NPAS3: variants seen among roughly 807,000 people sequenced by gnomAD.
The protein encoded by NPAS3 is neuronal PAS domain protein 3.
Under a neutral mutation model 73.1 loss-of-function variants are expected in NPAS3, and 14 were observed. The observed-to-expected ratio is 0.19, with a 90% CI of 0.13 to 0.30. NPAS3 has a LOEUF of 0.30. Among genes scored for constraint, NPAS3 ranks in the 10% least tolerant of loss-of-function variants. The pLI is 1.00. For missense variants in NPAS3, 1,096 were observed against 1,250.0 expected (o/e 0.88, Z 1.86); for synonymous variants, 620 against 541.5 (o/e 1.14, Z -2.01).
intron 5 of NPAS3, among the ~76,000 whole-genome samples, chr14:33,602,715 G>A (rs760163434): frequency 6.6e-6 from 1 of 152,266 alleles, no homozygotes; most frequent in East Asian, 1.9e-4. Flanking sequence ...TGGTGACTCA[G>A]ATAAATACTA....
intron 2 of NPAS3, among the ~76,000 whole-genome samples, chr14:33,212,168 G>A (rs2047064739): frequency 6.6e-6 from 1 of 152,192 alleles, no homozygotes; most frequent in Non-Finnish European, 1.5e-5. Context: ...GAGTGTCATT[G>A]TCTTAAGGTC....
intron 9 of NPAS3, 82 bp from the exon 10 acceptor site, chr14:33,793,815 G>A (rs531835500): frequency 6.3e-5 from 87 of 1,376,454 alleles, no homozygotes; most frequent in Admixed American, 3.5e-4. Flanking sequence ...TTAGGCTTAA[G>A]GTTTTGCAGA....
At chr14:33,448,170 G>C (rs546340913) in intron 4 of NPAS3, among the ~76,000 whole-genome samples, 1 of 152,158 alleles carries the variant, frequency 6.6e-6, no homozygotes, top group South Asian at 2.1e-4. Flanking sequence ...GACTGATTAG[G>C]GTTGAAACTT....
intron 5 of NPAS3, among the ~76,000 whole-genome samples, chr14:33,637,329 C>A (rs76238082): frequency 0.021 from 3,209 of 152,184 alleles, 108 homozygotes; most frequent in African/African-American, 0.074. Context: ...ATAAAGATGA[C>A]CTAATAATCA....
intron 4 of NPAS3, among the ~76,000 whole-genome samples, chr14:33,378,369 TTCAC>T (rs2046393305): frequency 6.6e-6 from 1 of 152,124 alleles, no homozygotes; most frequent in Non-Finnish European, 1.5e-5. Flanking sequence ...GTTCACCTCC[TTCAC>T]TCATCACACC....
At chr14:33,358,779 T>G (rs2045459748) in intron 3 of NPAS3, among the ~76,000 whole-genome samples, 1 of 152,242 alleles carries the variant, frequency 6.6e-6, no homozygotes, top group Admixed American at 6.5e-5. Flanking sequence ...CTGTGGATAC[T>G]TTTAGCTTTC....
intron 5 of NPAS3, among the ~76,000 whole-genome samples, chr14:33,645,210 G>A (rs1427555198): frequency 6.6e-6 from 1 of 152,172 alleles, no homozygotes; most frequent in Non-Finnish European, 1.5e-5. Flanking sequence ...AAGGGCAGTT[G>A]TTCAGGGTAC....
At chr14:33,374,703 GC>G (rs67088535) in intron 4 of NPAS3, among the ~76,000 whole-genome samples, 31,825 of 147,162 alleles carry the variant, frequency 0.22, 3,875 homozygotes, top group East Asian at 0.35. Context: ...GTGTGTCGGG[GC>G]GGGGGGGGGA....
intron 5 of NPAS3, among the ~76,000 whole-genome samples, chr14:33,576,837 C>T (rs539411078): frequency 1.2e-4 from 18 of 152,116 alleles, no homozygotes; most frequent in Non-Finnish European, 2.2e-4. Context: ...CATGTTTATA[C>T]AAATAAAGAG....
intron 5 of NPAS3, among the ~76,000 whole-genome samples, chr14:33,601,255 T>G (rs1228377948): frequency 6.6e-6 from 1 of 152,224 alleles, no homozygotes; most frequent in Non-Finnish European, 1.5e-5. Context: ...TGAGGGAGGA[T>G]AATTATTTTC....
intron 8 of NPAS3, among the ~76,000 whole-genome samples, chr14:33,775,885 A>C (rs2062799445): frequency 6.6e-6 from 1 of 152,196 alleles, no homozygotes; most frequent in African/African-American, 2.4e-5. Flanking sequence ...GGGCGTGTGC[A>C]AAGCTCATCA....
intron 4 of NPAS3, among the ~76,000 whole-genome samples, chr14:33,418,255 A>G (rs2048232353): frequency 1.3e-5 from 2 of 152,104 alleles, no homozygotes; most frequent in Non-Finnish European, 2.9e-5. Context: ...GGGCTAATAA[A>G]CAGTGACTTT....
chr14:33,084,847 G>A (rs1033624341), intron 2 of NPAS3, among the ~76,000 whole-genome samples: 2 of 152,178 alleles, frequency 1.3e-5, no homozygotes, highest in African/African-American at 4.8e-5. Flanking sequence ...GATGGCACTG[G>A]AGAGCACAGT....
chr14:33,108,766 CT>C (rs1310382184), intron 2 of NPAS3, among the ~76,000 whole-genome samples: 2 of 152,098 alleles, frequency 1.3e-5, no homozygotes, highest in African/African-American at 4.8e-5. Context: ...TTTAGGGTCA[CT>C]AAAATTCCAA....
At chr14:33,772,550 GT>G (rs1181945122) in intron 7 of NPAS3, among the ~76,000 whole-genome samples, 1 of 152,204 alleles carries the variant, frequency 6.6e-6, no homozygotes, top group Admixed American at 6.5e-5. Context: ...CTGGATGTGT[GT>G]TTTCCTGAGC....
intron 1 of NPAS3, among the ~76,000 whole-genome samples, chr14:32,973,902 C>T (rs751563644): frequency 7.2e-5 from 11 of 152,140 alleles, no homozygotes; most frequent in Non-Finnish European, 1.6e-4. Flanking sequence ...ATTTCAAGGG[C>T]TGACATCTGA....
At chr14:33,672,240 G>GGCCTT (rs1233762361) in intron 5 of NPAS3, among the ~76,000 whole-genome samples, 1 of 151,990 alleles carries the variant, frequency 6.6e-6, no homozygotes, top group Non-Finnish European at 1.5e-5. Context: ...CTAAACTCAA[G>GGCCTT]GCCTTACTGC....
chr14:33,144,545 G>T (rs2044171029), intron 2 of NPAS3, among the ~76,000 whole-genome samples: 1 of 152,076 alleles, frequency 6.6e-6, no homozygotes, highest in Non-Finnish European at 1.5e-5. Flanking sequence ...TTCATGTGAT[G>T]ATTATTATTT....
chr14:33,083,276 A>G (rs1221002150), intron 2 of NPAS3, among the ~76,000 whole-genome samples: 1 of 151,198 alleles, frequency 6.6e-6, no homozygotes, highest in African/African-American at 2.4e-5. Context: ...CAGCTTATGC[A>G]ATCATATGAG....
Sources: allele counts gnomAD v4.1 joint callset (sites outside exome capture counted in the v4.1 genomes callset), GRCh38; gene constraint gnomAD v4.1.1; transcripts MANE v1.5; gene names NCBI Gene and HGNC (gene_info 2026-07-23, HGNC 2026-07-21).